The following HP1BP3 variants were observed in gnomAD, a reference collection of about 807,000 sequenced individuals.
HP1BP3 encodes the protein heterochromatin protein 1-binding protein 3.
In HP1BP3, 12 loss-of-function variants were observed where a neutral mutation model predicts 62.5. The observed-to-expected ratio is 0.19, with a 90% confidence interval of 0.12 to 0.31. The LOEUF (loss-of-function observed/expected upper bound fraction) is 0.31. Among genes scored for constraint, HP1BP3 ranks in the 10% least tolerant of loss-of-function variants. The pLI, the probability that HP1BP3 is intolerant of heterozygous loss-of-function variation, is 1.00. For missense variants in HP1BP3, 502 were observed against 651.8 expected (o/e 0.77, Z 2.50); for synonymous variants, 260 against 237.8 (o/e 1.09, Z -0.86).
At chr1:20,746,915 T>C (rs369271682) in intron 11 of HP1BP3, among the ~76,000 whole-genome samples, 2 of 152,078 alleles carry the variant, frequency 1.3e-5, no homozygotes, top group Non-Finnish European at 2.9e-5. Context: ...ACGTGGGATA[T>C]TGAGGTGGGA....
chr1:20,754,241 C>CT (rs1258598245), intron 9 of HP1BP3, among the ~76,000 whole-genome samples: 2 of 152,272 alleles, frequency 1.3e-5, no homozygotes, highest in African/African-American at 4.8e-5. Flanking sequence ...TTAGAAAACA[C>CT]TTCCACCATT....
chr1:20,765,530 T>C lies in HP1BP3; in HGVS notation c.737A>G (p.Asn246Ser). Reference sequence around the variant, plus strand: ...TTCTGGATCCACTGCAGAGCTCCTATTCTGAAAAGTAATTATCAAAAATTA... The same window carrying C: ...TTCTGGATCCACTGCAGAGCTCCTACTCTGAAAAGTAATTATCAAAAATTA... ...KTPQKSRNRK[N>S]RSSAVDPEPQ... Residue 246 changes from asparagine (N) to serine (S), a missense_variant and splice_region_variant, in exon 8 of 13, where the codon AAT becomes AGT. By Grantham distance (46) the Asn-to-Ser change is conservative. Coordinates refer to ENST00000438032, the MANE Select transcript of HP1BP3 (RefSeq NM_001372052.1). The C allele has an allele frequency of 1.9e-6, 3 of 1,609,662 alleles. No individual in the cohort carries two copies. Among genetic ancestry groups the C allele is most frequent in the Non-Finnish European group, 2.5e-6 (3 of 1,177,438 alleles).
At chr1:20,754,595 A>T (rs1184100525) in intron 9 of HP1BP3, among the ~76,000 whole-genome samples, 1 of 152,214 alleles carries the variant, frequency 6.6e-6, no homozygotes, top group Non-Finnish European at 1.5e-5. Context: ...ATAAAGCTAC[A>T]GTCAGTAAGA....
chr1:20,770,590 C>T (rs1290974710), intron 6 of HP1BP3, among the ~76,000 whole-genome samples: 1 of 152,184 alleles, frequency 6.6e-6, no homozygotes, highest in Non-Finnish European at 1.5e-5. Flanking sequence ...GCTGGGACTA[C>T]AGGTGTAGGC....
In HP1BP3 at chr1:20,744,006, T is replaced by C. The variant is rs1283819440; in HGVS notation, c.*791A>G. On this transcript the variant is annotated 3_prime_UTR_variant, in exon 13 of 13. Transcript: ENST00000438032. Reference sequence around the variant, plus strand: ...ATTGCTTGAACCCAGGAGGTGGAGGTTGCAGTGAGCTGAGATTGCACCACT... The same window carrying C: ...ATTGCTTGAACCCAGGAGGTGGAGGCTGCAGTGAGCTGAGATTGCACCACT... 1 of 151,958 alleles carries C rather than the reference T, an allele frequency of 6.6e-6. No individual in the cohort carries two copies. The highest frequency in any genetic ancestry group is 1.5e-5 in the Non-Finnish European group (1 of 68,024). 9.4% of individuals were successfully genotyped at this position (151,958 alleles called of 1,614,324 possible).
chr1:20,773,687 A>G, intron 4 of HP1BP3, 77 bp from the exon 5 acceptor site: 2 of 988,114 alleles, frequency 2.0e-6, no homozygotes. Flanking sequence ...GGAAAAGACC[A>G]GGGAGGGATA....
intron 4 of HP1BP3, chr1:20,775,008 A>G (rs1453042628): frequency 1.3e-5 from 2 of 151,634 alleles, no homozygotes; most frequent in African/African-American, 4.8e-5. Flanking sequence ...AAAAAAAAGC[A>G]CATTACAATT....
chr1:20,785,426 C>A (rs1247212919), intron 1 of HP1BP3, among the ~76,000 whole-genome samples: 5 of 152,162 alleles, frequency 3.3e-5, no homozygotes, highest in Admixed American at 6.5e-5. Context: ...TAATACATGT[C>A]ATTAGTGATG....
At chr1:20,776,492 CA>C (rs2057309737) in intron 4 of HP1BP3, 104 bp downstream of exon 4, 1 of 997,536 alleles carries the variant, frequency 1.0e-6, no homozygotes, top group Non-Finnish European at 1.5e-6. Context: ...ATCCAAATAG[CA>C]AATACCTAGC....
In HP1BP3 at chr1:20,761,618, T is replaced by C. The variant is rs79364905; in HGVS notation, c.890+3759A>G. Among the ~76,000 whole-genome samples the C allele has an allele frequency of 8.5e-3, 1,296 of 152,210 alleles. 11 individuals carry two copies. The highest frequency in any genetic ancestry group is 0.011 in the Non-Finnish European group (781 of 68,006). On this transcript the variant is annotated intron_variant, in intron 8 of 12. Transcript: ENST00000438032. ...GCATCCGTATACACGAATCTGAAGT[T>C]AGAAGGGAGGTATGGGCTAGATTCA...
chr1:20,772,852 A>G (rs1199070077), intron 5 of HP1BP3, among the ~76,000 whole-genome samples: 1 of 152,252 alleles, frequency 6.6e-6, no homozygotes, highest in Non-Finnish European at 1.5e-5. Context: ...GGAAAACTAC[A>G]TCTAATGAAA....
chr1:20,750,718 T>C (rs2055682450), intron 9 of HP1BP3, among the ~76,000 whole-genome samples: 1 of 151,592 alleles, frequency 6.6e-6, no homozygotes, highest in Non-Finnish European at 1.5e-5. Flanking sequence ...GACCAACACC[T>C]CCTTGTCCTC....
chr1:20,757,616 C>G (rs2056201706), intron 8 of HP1BP3, among the ~76,000 whole-genome samples: 1 of 152,062 alleles, frequency 6.6e-6, no homozygotes, highest in African/African-American at 2.4e-5. Context: ...GGTGATCTGC[C>G]TGACTCGGCC....
At chr1:20,782,854 T>C (rs573404734) in intron 1 of HP1BP3, among the ~76,000 whole-genome samples, 139 of 145,132 alleles carry the variant, frequency 9.6e-4, no homozygotes, top group Non-Finnish European at 1.5e-3. Flanking sequence ...GAGCCGAGAT[T>C]GTGCCACTGC....
chr1:20,751,113 G>A (rs922240568), intron 9 of HP1BP3, among the ~76,000 whole-genome samples: 2 of 151,824 alleles, frequency 1.3e-5, no homozygotes, highest in Admixed American at 6.6e-5. Context: ...CACTGTGGCC[G>A]GCCATTATTT....
Position 20,744,918 on chromosome 1 carries a change from G to A in HP1BP3, c.1541C>T (p.Thr514Ile). 1.2e-6 allele frequency: 2 copies of A among 1,614,192 alleles called. No homozygotes were observed. The highest frequency in any genetic ancestry group is 1.7e-6 in the Non-Finnish European group (2 of 1,180,026). Residue 514 changes from threonine (T) to isoleucine (I), a missense_variant, in exon 13 of 13, where the codon ACA becomes ATA. Transcript: ENST00000438032. The part of the protein sequence containing the change: ...TPAKKTRPSS[T>I]VIKKPSGGSS... ...GCCACCACTAGGTTTCTTGATGACT[G>A]TGGATGAGGGTCTGGTCTTCTTGGC...
intron 2 of HP1BP3, 140 bp from the exon 3 acceptor site, chr1:20,780,051 GTTTT>G (rs987245797): frequency 4.8e-6 from 3 of 628,504 alleles, no homozygotes; most frequent in Admixed American, 3.2e-5. Context: ...CTTTTAACAA[GTTTT>G]TTTTGAAGTG....
Position 20,765,506 on chromosome 1 carries a change from T to A in HP1BP3, c.761A>T (p.Glu254Val). ...RKNRSSAVDP[E>V]PQVKLEDVLP... ...GACATCCTCCAATTTTACTTGTGGT[T>A]CTGGATCCACTGCAGAGCTCCTATT... Residue 254 changes from glutamate (E) to valine (V), a missense_variant, in exon 8 of 13, where the codon GAA becomes GTA. This residue lies in a region of HP1BP3 where 111 missense variants were observed against 242.0 expected (regional missense o/e 0.46). Transcript: ENST00000438032. 1 of 1,613,646 alleles carries A rather than the reference T, an allele frequency of 6.2e-7. No homozygotes were observed. Among genetic ancestry groups the A allele is most frequent in the African/African-American group, 1.3e-5 (1 of 75,014 alleles).
At chr1:20,776,446 A>G (rs2057308051) in intron 4 of HP1BP3, 151 bp downstream of exon 4, 3 of 682,552 alleles carry the variant, frequency 4.4e-6, no homozygotes, top group South Asian at 2.0e-5. Context: ...ACAACTATAT[A>G]ATAAACCTAT....
Sources: gnomAD v4.1 joint callset for allele counts (sites outside exome capture counted in the v4.1 genomes callset) on GRCh38, gnomAD v4.1.1 for gene constraint, gnomAD v4.1.1 regional missense constraint, MANE v1.5 for transcripts, NCBI Gene and HGNC (gene_info 2026-07-23, HGNC 2026-07-21) for gene names.